The following RADIL variants were observed in gnomAD, a reference collection of about 807,000 sequenced individuals.
RADIL encodes Rap associating with DIL domain.
In RADIL, 99 loss-of-function variants were observed where a neutral mutation model predicts 97.6. The observed-to-expected ratio is 1.01, with a 90% CI of 0.86 to 1.20. The LOEUF (loss-of-function observed/expected upper bound fraction) is 1.20, where lower values mean the gene tolerates loss of function less well. Ranked by LOEUF, RADIL falls within the 50% of genes most tolerant of loss-of-function variation. The pLI is 0.00. For synonymous variants in RADIL, 803 were observed against 691.8 expected (o/e 1.16, Z -2.52); for missense variants, 1,765 against 1,498.9 (o/e 1.18, Z -2.93).
Position 4,840,274 on chromosome 7 carries a change from CGTCACCTGA to C in RADIL, c.536-3678_536-3670del, listed in dbSNP as rs1783407634. 6.6e-6 allele frequency among the ~76,000 whole-genome samples: 1 copy of C among 152,108 alleles called. No individual in the cohort carries two copies. The highest frequency in any genetic ancestry group is 2.4e-5 in the African/African-American group (1 of 41,416). On this transcript the variant is annotated intron_variant, in intron 2 of 14. Coordinates refer to ENST00000399583, the MANE Select transcript of RADIL (RefSeq NM_018059.5). The surrounding 1 kb of genome is among the most constrained non-coding windows in gnomAD (Gnocchi z 5.6). Reference sequence around the variant, plus strand: ...GTTTGTGCCTGACCTGATACAGCTTCGTCACCTGAGTCACCTGAGCGTCTCAGCTCTGTG... The same window carrying C: ...GTTTGTGCCTGACCTGATACAGCTTCGTCACCTGAGCGTCTCAGCTCTGTG...
rs377564806 is a variant in RADIL at position 4,800,249 on chromosome 7, G to A, written c.2904C>T (p.Thr968=). 23 of 1,579,992 alleles carry A rather than the reference G, an allele frequency of 1.5e-5. No homozygotes were observed. Among genetic ancestry groups the A allele is most frequent in the African/African-American group, 6.8e-5 (5 of 73,552 alleles). ...CCGTGAAGACGTAGCAGAAGTCCTC[G>A]GTGCTGGAGCTGCGGCTGGACGGGG... is the stretch of plus-strand genomic sequence containing the variant. ...PPAPSSRSSS[T]EDFCYVFTVE... Residue 968 remains threonine, a synonymous_variant, in exon 13 of 15, where the codon ACC becomes ACT. Transcript: ENST00000399583.
rs141568212 is a variant in RADIL, at chr7:4,865,909, A to C, written c.535+11696T>G. 367 of 619,742 alleles carry C rather than the reference A, an allele frequency of 5.9e-4. 1 individual carries two copies. The highest frequency in any genetic ancestry group is 5.7e-3 in the African/African-American group (314 of 54,666). The allele number at this position is 619,742 out of a possible 1,614,324, so 38.4% of individuals were successfully genotyped here. On this transcript the variant is annotated intron_variant, in intron 2 of 14. Coordinates refer to ENST00000399583, the MANE Select transcript of RADIL (RefSeq NM_018059.5). ...TATGTTCTAATTACCTTTAGCATTC[A>C]GTATACAGAAATATACTGTAGAGGT...
chr7:4,832,148 C>T lies in RADIL; in HGVS notation c.1447G>A (p.Ala483Thr). Residue 483 changes from alanine (A) to threonine (T), a missense_variant, in exon 5 of 15, where the codon GCG becomes ACG. Physicochemically the swap from Ala to Thr is moderately conservative, Grantham distance 58. Coordinates refer to ENST00000399583, the MANE Select transcript of RADIL (RefSeq NM_018059.5). ...TAACCGGGTCATACTCACAGTTGCG[C>T]CTGCTTCTCTGCTAGTTCTTTGGTT... is the stretch of plus-strand genomic sequence containing the variant. ...EKTKELAEKQ[A>T]QLQEPISLAS... 2 of 1,610,754 alleles carry T rather than the reference C, an allele frequency of 1.2e-6. No homozygotes were observed. The highest frequency in any genetic ancestry group is 2.7e-5 in the African/African-American group (2 of 75,038).
At chr7:4,865,791 C>G (rs1784118440) in intron 2 of RADIL, 1 of 894,860 alleles carries the variant, frequency 1.1e-6, no homozygotes, top group East Asian at 2.4e-5. Context: ...CAAGGTTTTT[C>G]ACAGGAGCCA....
rs554602462 is a variant in RADIL, at chr7:4,849,571, G to A, written c.536-12966C>T. Among the ~76,000 whole-genome samples, 13 of 152,230 alleles carry A rather than the reference G, an allele frequency of 8.5e-5. No homozygotes were observed. Among genetic ancestry groups the A allele is most frequent in the African/African-American group, 2.4e-4 (10 of 41,524 alleles). On this transcript the variant is annotated intron_variant, in intron 2 of 14. Coordinates refer to ENST00000399583, the MANE Select transcript of RADIL (RefSeq NM_018059.5). This position sits in a 1 kb window ranked among gnomAD's most constrained non-coding sequence, Gnocchi z 5.4. ...TTTCAGTTCATTCAGGACCATCCAA[G>A]GCATGAACATGCCTTCCAGCTGTTA...
At position 4,801,651 on chromosome 7, in the gene RADIL, A is replaced by G; in HGVS notation, c.2842+2T>C. The G allele has an allele frequency of 6.3e-7, 1 of 1,592,180 alleles. No individual in the cohort carries two copies. The highest frequency in any genetic ancestry group is 1.1e-5 in the South Asian group (1 of 88,230). Reference sequence around the variant, plus strand: ...CCCGCCTGAGCACCAGGCAGGGCTCACCTTCCGGAGCTGCACCCCGGAGGC... The same window carrying G: ...CCCGCCTGAGCACCAGGCAGGGCTCGCCTTCCGGAGCTGCACCCCGGAGGC... On this transcript the variant is annotated splice_donor_variant, in intron 12 of 14. Coordinates refer to ENST00000399583, the MANE Select transcript of RADIL (RefSeq NM_018059.5). LOFTEE classifies it high-confidence loss of function.
At chr7:4,875,970 C>T (rs889837469) in intron 2 of RADIL, among the ~76,000 whole-genome samples, 11 of 152,140 alleles carry the variant, frequency 7.2e-5, no homozygotes, top group Admixed American at 3.3e-4. Context: ...ACTTTAAGAG[C>T]CATAATTAAA....
chr7:4,856,776 A>G (rs570733533), intron 2 of RADIL, among the ~76,000 whole-genome samples: 1 of 152,306 alleles, frequency 6.6e-6, no homozygotes, highest in East Asian at 1.9e-4. Flanking sequence ...TGCATTTTCC[A>G]ATTGTGGGGT....
At chr7:4,864,103 T>C (rs1038360055) in intron 2 of RADIL, among the ~76,000 whole-genome samples, 6 of 152,254 alleles carry the variant, frequency 3.9e-5, no homozygotes, top group South Asian at 2.1e-4. Flanking sequence ...TATAAATACC[T>C]TCTTTTTAAT....
At position 4,854,631 on chromosome 7, in the gene RADIL, T is replaced by C. The variant is rs1562451150; in HGVS notation, c.536-18026A>G. 6.6e-6 allele frequency among the ~76,000 whole-genome samples: 1 copy of C among 152,130 alleles called. No individual in the cohort carries two copies. On this transcript the variant is annotated intron_variant, in intron 2 of 14. Transcript: ENST00000399583. The surrounding 1 kb of genome is among the most constrained non-coding windows in gnomAD (Gnocchi z 5.1). ...ATTACTTGAACCCGGGAGGCAAAGGTTGCAGTGAGCCGAGATGGCGCCACC... is the reference window on the plus strand; with the variant it reads ...ATTACTTGAACCCGGGAGGCAAAGGCTGCAGTGAGCCGAGATGGCGCCACC...
Position 4,801,778 on chromosome 7 carries a change from GGAGGCGT to G in RADIL, c.2710_2716del (p.Thr904ProfsTer85). On this transcript the variant is annotated frameshift_variant, in exon 12 of 15. Coordinates refer to ENST00000399583, the MANE Select transcript of RADIL (RefSeq NM_018059.5). LOFTEE classifies it high-confidence loss of function. ...AGGCTCAGGGCCAAGTGGAGTGCTG[GGAGGCGT>G]GAGCAAGCAGGACGAGTCCGTGTGC... 6.2e-7 allele frequency: 1 copy of G among 1,610,418 alleles called. No individual in the cohort carries two copies. The highest frequency in any genetic ancestry group is 8.5e-7 in the Non-Finnish European group (1 of 1,179,082).
chr7:4,852,356 A>C (rs1046680693), intron 2 of RADIL, among the ~76,000 whole-genome samples: 2 of 152,240 alleles, frequency 1.3e-5, no homozygotes, highest in Non-Finnish European at 2.9e-5. Flanking sequence ...GGAACGGAAC[A>C]AAAGAACTTC....
In RADIL at chr7:4,834,906, G is replaced by C; in HGVS notation, c.1117C>G (p.Arg373Gly). 6.6e-7 allele frequency: 1 copy of C among 1,526,506 alleles called. No homozygotes were observed. The highest frequency in any genetic ancestry group is 8.8e-7 in the Non-Finnish European group (1 of 1,137,754). 94.6% of individuals were successfully genotyped at this position (1,526,506 alleles called of 1,614,324 possible). Residue 373 changes from arginine to glycine, a missense_variant, in exon 4 of 15, where the codon CGG becomes GGG. By Grantham distance (125) the Arg-to-Gly change is moderately radical (BLOSUM62 -2). Transcript: ENST00000399583. This position sits in a 1 kb window ranked among gnomAD's most constrained non-coding sequence, Gnocchi z 6.0. Reference sequence around the variant, plus strand: ...AGCCGGCAGCTCTGCGGCACAGCCCGGAGGCGCGCCAAGGCCCGGGCGGGC... The same window carrying C: ...AGCCGGCAGCTCTGCGGCACAGCCCCGAGGCGCGCCAAGGCCCGGGCGGGC... ...PLPARALARL[R>G]AVPQSCRLCG...
At chr7:4,844,869 G>A (rs1051644730) in intron 2 of RADIL, among the ~76,000 whole-genome samples, 4 of 152,124 alleles carry the variant, frequency 2.6e-5, no homozygotes, top group African/African-American at 9.7e-5. Flanking sequence ...CTCCCAAAGT[G>A]CTGGGATTAC....
chr7:4,836,945 A>T (rs1229167405), intron 2 of RADIL, among the ~76,000 whole-genome samples: 1 of 152,082 alleles, frequency 6.6e-6, no homozygotes, highest in African/African-American at 2.4e-5. Flanking sequence ...TCCCCCGCCA[A>T]AAAAAACAGG....
At chr7:4,811,350 T>C (rs571688751) in intron 9 of RADIL, 1 of 152,560 alleles carries the variant, frequency 6.6e-6, no homozygotes, top group African/African-American at 2.4e-5. Context: ...CCATCTTTCA[T>C]GCGTAATTCT....
In RADIL at chr7:4,824,611, C is replaced by T. The variant is rs992583281; in HGVS notation, c.1455-2057G>A. Reference sequence around the variant, plus strand: ...TTGTCCACAAACAATGTTGACCTCTCTCGCGTGCACACACCCGGGGAGGGA... The same window carrying T: ...TTGTCCACAAACAATGTTGACCTCTTTCGCGTGCACACACCCGGGGAGGGA... On this transcript the variant is annotated intron_variant, in intron 5 of 14. Transcript: ENST00000399583. The surrounding 1 kb of genome is among the most constrained non-coding windows in gnomAD (Gnocchi z 6.7). Among the ~76,000 whole-genome samples the T allele has an allele frequency of 4.6e-5, 7 of 152,240 alleles. No homozygotes were observed. The highest frequency in any genetic ancestry group is 1.4e-4 in the African/African-American group (6 of 41,470).
chr7:4,862,096 C>T (rs1042576789), intron 2 of RADIL: 1 of 355,062 alleles, frequency 2.8e-6, no homozygotes, highest in Middle Eastern at 7.3e-4. Context: ...CCACAGCGTT[C>T]TGGGCTGGGG....
chr7:4,812,814 G>A (rs963498837), intron 9 of RADIL, among the ~76,000 whole-genome samples: 6 of 152,082 alleles, frequency 3.9e-5, no homozygotes, highest in South Asian at 2.1e-4. Context: ...GCTCTCATCC[G>A]TCATCTCCTC....
Sources: allele counts gnomAD v4.1 joint callset (sites outside exome capture counted in the v4.1 genomes callset), GRCh38; gene constraint gnomAD v4.1.1; non-coding constraint Gnocchi (gnomAD v3.1); transcripts MANE v1.5; gene names NCBI Gene and HGNC (gene_info 2026-07-23, HGNC 2026-07-21).